UBE3C: variants seen among roughly 807,000 people sequenced by gnomAD.
UBE3C encodes the protein ubiquitin protein ligase E3C.
In UBE3C, 42 loss-of-function variants were observed where a neutral mutation model predicts 129.4. The ratio of observed to expected loss-of-function variants is 0.32; its 90% CI spans 0.25 to 0.42. The LOEUF (loss-of-function observed/expected upper bound fraction) is 0.42. Ranked by LOEUF, UBE3C falls within the 10% of genes least tolerant of loss-of-function variation. The pLI, the probability that UBE3C is intolerant of heterozygous loss-of-function variation, is 1.00. For missense variants in UBE3C, 1,049 were observed against 1,319.1 expected (o/e 0.80, Z 3.17); for synonymous variants, 510 against 492.4 (o/e 1.04, Z -0.47).
In UBE3C at chr7:157,163,981, G is replaced by A. The variant is rs1808145466; in HGVS notation, c.120+118G>A. 3 of 884,664 alleles carry A rather than the reference G, an allele frequency of 3.4e-6. No homozygotes were observed. In the African/African-American group the frequency reaches 5.1e-5, roughly 15 times the overall value. The allele number at this position is 884,664 out of a possible 1,614,324, so 54.8% of individuals were successfully genotyped here. A position where few individuals can be genotyped will look rare whatever the true frequency, so the allele number is the denominator to read the frequency against. On this transcript the variant is annotated intron_variant, in intron 2 of 22. Transcript: ENST00000348165. ...GTATTTTTTATATATGACAGAATGT[G>A]TGTGTATGTGTGTTTAGCTTTAGAA... is the stretch of plus-strand genomic sequence containing the variant.
At chr7:157,255,128 A>T (rs1035677711) in intron 21 of UBE3C, among the ~76,000 whole-genome samples, 5 of 152,100 alleles carry the variant, frequency 3.3e-5, no homozygotes, top group Non-Finnish European at 7.3e-5. Flanking sequence ...CTCTAAATAG[A>T]TAAATATATA....
chr7:157,264,252 C>T (rs538422026), intron 22 of UBE3C, among the ~76,000 whole-genome samples: 2 of 149,932 alleles, frequency 1.3e-5, no homozygotes, highest in African/African-American at 4.9e-5. Flanking sequence ...CACACACACA[C>T]ACACACCTGG....
At chr7:157,192,387 C>A in intron 10 of UBE3C, 2 of 685,148 alleles carry the variant, frequency 2.9e-6, no homozygotes, top group South Asian at 1.4e-5. Context: ...TCCATAAAAA[C>A]CCTTACGGGG....
At chr7:157,208,573 A>G (rs909337632) in intron 13 of UBE3C, among the ~76,000 whole-genome samples, 1 of 152,196 alleles carries the variant, frequency 6.6e-6, no homozygotes, top group Non-Finnish European at 1.5e-5. Context: ...CAGTTTTTAA[A>G]ATGTTTTTAT....
chr7:157,260,964 G>A (rs897790768), intron 22 of UBE3C, among the ~76,000 whole-genome samples: 2 of 152,110 alleles, frequency 1.3e-5, no homozygotes, highest in African/African-American at 4.8e-5. Flanking sequence ...AGCGTCGTAG[G>A]TTTAGGGGAA....
At chr7:157,196,404 C>G (rs1240602732) in intron 10 of UBE3C, among the ~76,000 whole-genome samples, 2 of 152,148 alleles carry the variant, frequency 1.3e-5, no homozygotes, top group Admixed American at 1.3e-4. Context: ...AGAAGGGAAA[C>G]CTTCTGACTT....
intron 18 of UBE3C, among the ~76,000 whole-genome samples, chr7:157,240,164 C>T (rs945143753): frequency 2.6e-5 from 4 of 152,126 alleles, no homozygotes; most frequent in African/African-American, 7.2e-5. Context: ...AAGCAATTCT[C>T]GTGCCTCAGC....
At position 157,231,467 on chromosome 7, in the gene UBE3C, C is replaced by T. The variant is rs567881284; in HGVS notation, c.2481+140C>T. On this transcript the variant is annotated intron_variant, in intron 18 of 22. Coordinates refer to ENST00000348165, the MANE Select transcript of UBE3C (RefSeq NM_014671.3). ...TGCTAAATGTTGCAAAAGCACTGCA[C>T]GAAACAAATTTGTATGGTTGTAAGT... 2.3e-4 allele frequency: 300 copies of T among 1,293,688 alleles called. 5 individuals are homozygous for T. In the South Asian group the frequency reaches 4.0e-3, roughly 17 times the overall value. 80.1% of individuals were successfully genotyped at this position (1,293,688 alleles called of 1,614,324 possible). A position where few individuals can be genotyped will look rare whatever the true frequency, so the allele number is the denominator to read the frequency against.
At position 157,207,550 on chromosome 7, in the gene UBE3C, T is replaced by C. The variant is rs761593061; in HGVS notation, c.1571T>C (p.Ile524Thr). The change falls in exon 12 of 23, where the codon ATA becomes ACA. Residue 524 changes from isoleucine (I) to threonine (T), a missense_variant. Physicochemically the swap from Ile to Thr is moderately conservative, Grantham distance 89. This residue lies in a region of UBE3C where 314 missense variants were observed against 416.9 expected (regional missense o/e 0.75). Transcript: ENST00000348165. Reference protein sequence around the residue: ...IHDNEFFGDPIEVVGQRQSSM... With the variant: ...IHDNEFFGDPTEVVGQRQSSM... The stretch of plus-strand genomic sequence containing the variant: ...GATAACGAATTCTTCGGTGATCCCA[T>C]AGAAGGTAAGGATTTTGAGAAACCA... 25 of 1,611,038 alleles carry C rather than the reference T, an allele frequency of 1.6e-5. No individual in the cohort carries two copies. Among genetic ancestry groups the C allele is most frequent in the East Asian group, 2.2e-5 (1 of 44,896 alleles).
chr7:157,240,295 T>G (rs989524103), intron 18 of UBE3C, among the ~76,000 whole-genome samples: 2 of 152,054 alleles, frequency 1.3e-5, no homozygotes, highest in Non-Finnish European at 1.5e-5. Context: ...CCTCAAGTGA[T>G]CCGCCCACCT....
At chr7:157,231,878 A>G (rs1005327294) in intron 18 of UBE3C, 2 of 152,440 alleles carry the variant, frequency 1.3e-5, no homozygotes, top group African/African-American at 4.8e-5. Flanking sequence ...AGTGACTATT[A>G]GTTTAATAGG....
intron 11 of UBE3C, among the ~76,000 whole-genome samples, chr7:157,205,619 A>G (rs904214145): frequency 6.6e-6 from 1 of 152,202 alleles, no homozygotes; most frequent in East Asian, 1.9e-4. Context: ...GGCTTTGGCA[A>G]TGAGGTAGGA....
intron 1 of UBE3C, among the ~76,000 whole-genome samples, chr7:157,160,522 T>G (rs1426487869): frequency 6.6e-6 from 1 of 152,206 alleles, no homozygotes; most frequent in East Asian, 1.9e-4. Flanking sequence ...AGAGTCTTTT[T>G]GGCAAGACTA....
chr7:157,214,985 C>T (rs1315070688), intron 13 of UBE3C, among the ~76,000 whole-genome samples: 1 of 152,184 alleles, frequency 6.6e-6, no homozygotes, highest in Non-Finnish European at 1.5e-5. Flanking sequence ...CAAGGAATAG[C>T]TGACTCCAGT....
chr7:157,160,303 G>A (rs1016147137), intron 1 of UBE3C, among the ~76,000 whole-genome samples: 10 of 152,138 alleles, frequency 6.6e-5, no homozygotes, highest in African/African-American at 2.4e-4. Flanking sequence ...TCGAACTCCT[G>A]ACCTCAGGCG....
chr7:157,249,367 G>A (rs1327354671), intron 19 of UBE3C, among the ~76,000 whole-genome samples: 9 of 151,938 alleles, frequency 5.9e-5, no homozygotes, highest in Admixed American at 5.2e-4. Flanking sequence ...CCAGGCTGGA[G>A]TGCAGTGGCG....
intron 22 of UBE3C, among the ~76,000 whole-genome samples, chr7:157,263,677 A>T (rs1238446276): frequency 6.6e-6 from 1 of 151,822 alleles, no homozygotes; most frequent in Non-Finnish European, 1.5e-5. Context: ...AAAAAAAAAA[A>T]AAGTCTAGCA....
intron 1 of UBE3C, among the ~76,000 whole-genome samples, chr7:157,161,091 T>C (rs1808056559): frequency 6.6e-6 from 1 of 152,212 alleles, no homozygotes; most frequent in Non-Finnish European, 1.5e-5. Flanking sequence ...TGTGGGGTCC[T>C]GGATAGGATT....
chr7:157,264,615 C>A (rs1014205837), intron 22 of UBE3C, among the ~76,000 whole-genome samples: 4 of 152,168 alleles, frequency 2.6e-5, no homozygotes, highest in African/African-American at 7.2e-5. Context: ...GAGTTTCACT[C>A]TTATTGCCCA....
Sources: allele counts gnomAD v4.1 joint callset (sites outside exome capture counted in the v4.1 genomes callset), GRCh38; gene constraint gnomAD v4.1.1; regional missense constraint gnomAD v4.1.1; transcripts MANE v1.5; gene names NCBI Gene and HGNC (gene_info 2026-07-23, HGNC 2026-07-21).